NUBPL: variants seen among roughly 807,000 people sequenced by gnomAD.
The protein encoded by NUBPL is iron-sulfur cluster transfer protein NUBPL.
NUBPL carries 31 observed loss-of-function variants against 45.7 expected under a neutral mutation model. That is an observed-to-expected ratio of 0.68 (90% confidence interval 0.51 to 0.92). The LOEUF (loss-of-function observed/expected upper bound fraction) is 0.92. Among genes scored for constraint, NUBPL ranks in the 40% least tolerant of loss-of-function variants. The probability of loss-of-function intolerance (pLI) is 0.00; values close to 1 mark genes in which losing one functional copy is unlikely to be tolerated. For missense variants in NUBPL, 401 were observed against 398.7 expected (o/e 1.01, Z -0.05); for synonymous variants, 144 against 140.9 (o/e 1.02, Z -0.15).
chr14:31,666,718 C>T (rs942067329), intron 4 of NUBPL, among the ~76,000 whole-genome samples: 1 of 152,090 alleles, frequency 6.6e-6, no homozygotes, highest in African/African-American at 2.4e-5. Context: ...TTTAGTGCTT[C>T]CTTCAGGAGC....
intron 6 of NUBPL, among the ~76,000 whole-genome samples, chr14:31,715,961 T>G (rs1021047760): frequency 2.6e-5 from 4 of 152,214 alleles, no homozygotes; most frequent in African/African-American, 7.2e-5. Flanking sequence ...TTTCTTTACA[T>G]CCTTTTTTCT....
chr14:31,799,168 A>G (rs1474258719), intron 7 of NUBPL, among the ~76,000 whole-genome samples: 1 of 152,226 alleles, frequency 6.6e-6, no homozygotes, highest in Non-Finnish European at 1.5e-5. Flanking sequence ...CTGTCCATAC[A>G]GAAAGTGCAG....
Position 31,673,326 on chromosome 14 carries a change from C to G in NUBPL, c.383-29C>G, listed in dbSNP as rs958008270. On this transcript the variant is annotated intron_variant, in intron 4 of 10. Transcript: ENST00000281081. ...TGTTTATGTGTTGTGTTTTATTGTTCTAAAAGAGAGGATTTTTTTTTTTTC... is the reference window on the plus strand; with the variant it reads ...TGTTTATGTGTTGTGTTTTATTGTTGTAAAAGAGAGGATTTTTTTTTTTTC... 4 of 1,545,868 alleles carry G rather than the reference C, an allele frequency of 2.6e-6. No homozygotes were observed. The African/African-American group carries it at 5.0e-5, about 19-fold the overall frequency.
intron 6 of NUBPL, among the ~76,000 whole-genome samples, chr14:31,744,707 C>T (rs11847014): frequency 0.16 from 23,708 of 150,370 alleles, 5,388 homozygotes; most frequent in African/African-American, 0.51. Flanking sequence ...CTGCAACCTC[C>T]GCCTCCTAGG....
intron 6 of NUBPL, among the ~76,000 whole-genome samples, chr14:31,700,006 C>A (rs2226057): frequency 0.3 from 44,927 of 152,072 alleles, 7,500 homozygotes; most frequent in South Asian, 0.41. Flanking sequence ...ATCATTCTGC[C>A]ATGTCAGCAT....
At chr14:31,757,533 G>A (rs1368069671) in intron 6 of NUBPL, among the ~76,000 whole-genome samples, 1 of 152,154 alleles carries the variant, frequency 6.6e-6, no homozygotes, top group Non-Finnish European at 1.5e-5. Flanking sequence ...TATTTCTGTG[G>A]GATCGGTCTC....
intron 4 of NUBPL, among the ~76,000 whole-genome samples, chr14:31,616,350 C>T (rs1364479174): frequency 1.3e-5 from 2 of 152,092 alleles, no homozygotes; most frequent in African/African-American, 4.8e-5. Context: ...TTGCCCATGC[C>T]TATGTCCTGA....
At chr14:31,769,368 C>G (rs1488034976) in intron 6 of NUBPL, among the ~76,000 whole-genome samples, 1 of 152,154 alleles carries the variant, frequency 6.6e-6, no homozygotes, top group Non-Finnish European at 1.5e-5. Flanking sequence ...CTCCTAGCTC[C>G]TTACCTAGAG....
intron 8 of NUBPL, among the ~76,000 whole-genome samples, chr14:31,833,512 A>G (rs542687430): frequency 1.7e-4 from 26 of 152,314 alleles, no homozygotes; most frequent in African/African-American, 5.8e-4. Context: ...AAAATTCTGC[A>G]TTATTTGAAA....
intron 3 of NUBPL, among the ~76,000 whole-genome samples, chr14:31,587,955 C>G (rs1486143212): frequency 6.6e-6 from 1 of 151,738 alleles, no homozygotes; most frequent in Non-Finnish European, 1.5e-5. Flanking sequence ...AAATAAATAC[C>G]CACTGAGAGT....
At chr14:31,604,198 A>T (rs1444183889) in intron 4 of NUBPL, among the ~76,000 whole-genome samples, 1 of 136,512 alleles carries the variant, frequency 7.3e-6, no homozygotes, top group Non-Finnish European at 1.6e-5. Flanking sequence ...AAAAAAAAAC[A>T]CTTTCTCTGT....
At chr14:31,609,224 A>G (rs1296933043) in intron 4 of NUBPL, among the ~76,000 whole-genome samples, 2 of 152,194 alleles carry the variant, frequency 1.3e-5, no homozygotes. Flanking sequence ...ATAAAGGGGT[A>G]TAAAAGATAC....
chr14:31,839,369 C>G (rs2040333376), intron 8 of NUBPL, among the ~76,000 whole-genome samples: 1 of 152,124 alleles, frequency 6.6e-6, no homozygotes, highest in South Asian at 2.1e-4. Context: ...GGAGAAAGGA[C>G]AGTTGCTTCA....
intron 4 of NUBPL, among the ~76,000 whole-genome samples, chr14:31,638,021 A>G (rs899550883): frequency 1.3e-5 from 2 of 152,136 alleles, no homozygotes; most frequent in Admixed American, 1.3e-4. Context: ...CAGCACACGG[A>G]TGGGTCTTGA....
At chr14:31,703,003 G>C (rs1304002924) in intron 6 of NUBPL, 1 of 152,166 alleles carries the variant, frequency 6.6e-6, no homozygotes, top group Non-Finnish European at 1.5e-5. Context: ...GTCTTAAGTA[G>C]AGCTTGTTTT....
At chr14:31,752,578 A>G (rs1352292488) in intron 6 of NUBPL, among the ~76,000 whole-genome samples, 1 of 152,220 alleles carries the variant, frequency 6.6e-6, no homozygotes, top group African/African-American at 2.4e-5. Flanking sequence ...TACTATCAGC[A>G]TTTTGGTCAA....
intron 3 of NUBPL, among the ~76,000 whole-genome samples, chr14:31,568,828 T>G (rs1168288471): frequency 2.3e-4 from 35 of 152,198 alleles, no homozygotes; most frequent in Admixed American, 2.3e-3. Context: ...AGGAAGCAAT[T>G]CATTTTACTT....
chr14:31,711,484 G>T (rs1398301537), intron 6 of NUBPL, among the ~76,000 whole-genome samples: 1 of 152,010 alleles, frequency 6.6e-6, no homozygotes, highest in Non-Finnish European at 1.5e-5. Context: ...TTACTGCTTG[G>T]CAATAGGCGA....
chr14:31,829,234 A>G (rs1157809988), intron 8 of NUBPL, among the ~76,000 whole-genome samples: 1 of 151,638 alleles, frequency 6.6e-6, no homozygotes, highest in Non-Finnish European at 1.5e-5. Context: ...GGCCTTTTGG[A>G]CATCTTCCTG....
Sources: allele counts gnomAD v4.1 joint callset (sites outside exome capture counted in the v4.1 genomes callset), GRCh38; gene constraint gnomAD v4.1.1; transcripts MANE v1.5; gene names NCBI Gene and HGNC (gene_info 2026-07-23, HGNC 2026-07-21).